NOL4L: variants seen among roughly 807,000 people sequenced by gnomAD.
The protein encoded by NOL4L is nucleolar protein 4-like.
Under a neutral mutation model 64.5 loss-of-function variants are expected in NOL4L, and 7 were observed. The ratio of observed to expected loss-of-function variants is 0.11; its 90% CI spans 0.06 to 0.20. The LOEUF (loss-of-function observed/expected upper bound fraction) is 0.20, where lower values mean the gene tolerates loss of function less well. NOL4L is among the 10% of genes least tolerant of loss of function. The pLI, the probability that NOL4L is intolerant of heterozygous loss-of-function variation, is 1.00. For missense variants in NOL4L, 680 were observed against 967.1 expected (o/e 0.70, Z 3.94); for synonymous variants, 413 against 401.0 (o/e 1.03, Z -0.36).
chr20:32,484,583 C>T (rs1304267708), intron 4 of NOL4L, among the ~76,000 whole-genome samples: 1 of 152,014 alleles, frequency 6.6e-6, no homozygotes, highest in Non-Finnish European at 1.5e-5. Flanking sequence ...CGCCCGCGTG[C>T]CCGCCCCCGC....
At chr20:32,484,708 C>T (rs927241150) in intron 4 of NOL4L, among the ~76,000 whole-genome samples, 1 of 152,104 alleles carries the variant, frequency 6.6e-6, no homozygotes, top group African/African-American at 2.4e-5. Flanking sequence ...AGCCCAGACC[C>T]GGGCACGCAC....
chr20:32,541,837 T>G (rs2018661285), intron 1 of NOL4L, among the ~76,000 whole-genome samples: 1 of 152,252 alleles, frequency 6.6e-6, no homozygotes, highest in Admixed American at 6.5e-5. Context: ...ACAATTTAGA[T>G]GGAGTGATTG....
chr20:32,469,847 G>A (rs888724966), intron 5 of NOL4L, among the ~76,000 whole-genome samples: 4 of 152,222 alleles, frequency 2.6e-5, no homozygotes, highest in African/African-American at 4.8e-5. Context: ...GTGGGGACAG[G>A]GCTCATCACC....
intron 1 of NOL4L, among the ~76,000 whole-genome samples, chr20:32,551,307 C>T (rs1317086879): frequency 3.9e-5 from 6 of 151,900 alleles, no homozygotes; most frequent in East Asian, 3.9e-4. Context: ...ACCCAGGAGG[C>T]GGAGGTTGCA....
intron 1 of NOL4L, among the ~76,000 whole-genome samples, chr20:32,583,770 G>A (rs1980675161): frequency 6.8e-6 from 1 of 146,566 alleles, no homozygotes; most frequent in African/African-American, 2.5e-5. Context: ...CCGGCCGCCC[G>A]CCTCCTCCCT....
chr20:32,554,014 G>A (rs1339511738), intron 1 of NOL4L, among the ~76,000 whole-genome samples: 1 of 152,148 alleles, frequency 6.6e-6, no homozygotes, highest in African/African-American at 2.4e-5. Context: ...ACCATTTGCT[G>A]AAATGTTAAG....
At chr20:32,471,535 C>A (rs1347936585) in intron 5 of NOL4L, among the ~76,000 whole-genome samples, 2 of 152,214 alleles carry the variant, frequency 1.3e-5, no homozygotes, top group Non-Finnish European at 2.9e-5. Context: ...AGGGCCCCAA[C>A]AAATCCACAG....
chr20:32,449,446 A>G (rs1011895798), intron 10 of NOL4L, among the ~76,000 whole-genome samples: 1 of 152,264 alleles, frequency 6.6e-6, no homozygotes, highest in Admixed American at 6.5e-5. Flanking sequence ...CTGCTGCTAA[A>G]AGGAAGCTGG....
intron 6 of NOL4L, among the ~76,000 whole-genome samples, chr20:32,455,056 C>T (rs577801854): frequency 7.2e-5 from 11 of 152,348 alleles, no homozygotes; most frequent in South Asian, 4.1e-4. Context: ...CATAACTGGC[C>T]GTGTGGCCCC....
At chr20:32,551,113 T>A (rs1422404373) in intron 1 of NOL4L, among the ~76,000 whole-genome samples, 1 of 151,920 alleles carries the variant, frequency 6.6e-6, no homozygotes, top group African/African-American at 2.4e-5. Flanking sequence ...CGGTGGCTCA[T>A]GCCTGTAATC....
In NOL4L at chr20:32,452,404, G is replaced by T. The variant is rs1377138092; in HGVS notation, c.1654C>A (p.Arg552=). Reference sequence around the variant, plus strand: ...GAGTGGGTGATGGCTGCGGAGTCCCGCGAGTGCTGCTTGTCCAGGGCTATG... The same window carrying T: ...GAGTGGGTGATGGCTGCGGAGTCCCTCGAGTGCTGCTTGTCCAGGGCTATG... ...EPIALDKQHS[R]DSAAITHSTY... is the part of the protein sequence containing the mutation. Residue 552 remains arginine (R), a synonymous_variant, in exon 10 of 11, where the codon CGG becomes AGG. Transcript: ENST00000621426. 3 of 1,609,360 alleles carry T rather than the reference G, an allele frequency of 1.9e-6. No homozygotes were observed. Among genetic ancestry groups the T allele is most frequent in the South Asian group, 1.1e-5 (1 of 90,392 alleles).
intron 1 of NOL4L, among the ~76,000 whole-genome samples, chr20:32,541,044 C>CACACACAT (rs1174413286): frequency 6.6e-6 from 1 of 150,942 alleles, no homozygotes; most frequent in Non-Finnish European, 1.5e-5. Context: ...CACACACACA[C>CACACACAT]ACACTATTCC....
chr20:32,490,128 C>CAAAAAAAAA (rs747449024), intron 4 of NOL4L, among the ~76,000 whole-genome samples: 3 of 69,092 alleles, frequency 4.3e-5, no homozygotes, highest in Admixed American at 1.7e-4. Flanking sequence ...GACTCCATCT[C>CAAAAAAAAA]AAAAAAAAAA....
chr20:32,500,534 C>CTAGGGACATGGTT (rs1568661344), intron 4 of NOL4L, among the ~76,000 whole-genome samples: 1 of 109,220 alleles, frequency 9.2e-6, no homozygotes, highest in African/African-American at 3.8e-5. Context: ...TTTTGTATTT[C>CTAGGGACATGGTT]TTTCTTTTTT....
chr20:32,516,582 C>T (rs1181086941), intron 3 of NOL4L, among the ~76,000 whole-genome samples: 5 of 152,164 alleles, frequency 3.3e-5, no homozygotes, highest in African/African-American at 4.8e-5. Flanking sequence ...CTGCTTAGGG[C>T]TCCACACACA....
intron 1 of NOL4L, among the ~76,000 whole-genome samples, chr20:32,531,980 CA>C (rs2018362814): frequency 2.0e-5 from 3 of 152,100 alleles, no homozygotes; most frequent in Admixed American, 6.5e-5. Context: ...ATAAGCTTTC[CA>C]AAAGTCAAAG....
intron 1 of NOL4L, chr20:32,582,244 G>A (rs2145628892): frequency 6.6e-6 from 1 of 152,376 alleles, no homozygotes; most frequent in Non-Finnish European, 1.5e-5. Flanking sequence ...GCCTGGACTG[G>A]GAGGCCTGGG....
chr20:32,523,291 G>T (rs733852), intron 2 of NOL4L, among the ~76,000 whole-genome samples: 38,787 of 152,140 alleles, frequency 0.25, 6,293 homozygotes, highest in East Asian at 0.77. Context: ...GCCCCACAAG[G>T]CTGGATTGTC....
rs1474031464 is a variant in NOL4L at position 32,463,655 on chromosome 20, A to T, written c.842-7260T>A. On this transcript the variant is annotated intron_variant, in intron 5 of 10. Transcript: ENST00000621426. The surrounding 1 kb of genome is among the most constrained non-coding windows in gnomAD (Gnocchi z 5.8). ...GGAGGAATTAGTGATGAATGGGGGA[A>T]ATTGTTCCTCCCTCTGTCCCGTCTC... Among the ~76,000 whole-genome samples, 1 of 152,204 alleles carries T rather than the reference A, an allele frequency of 6.6e-6. No homozygotes were observed. Among genetic ancestry groups the T allele is most frequent in the African/African-American group, 2.4e-5 (1 of 41,458 alleles).
Sources: allele counts gnomAD v4.1 joint callset (sites outside exome capture counted in the v4.1 genomes callset), GRCh38; gene constraint gnomAD v4.1.1; non-coding constraint Gnocchi (gnomAD v3.1); transcripts MANE v1.5; gene names NCBI Gene and HGNC (gene_info 2026-07-23, HGNC 2026-07-21).